MTFR1: variants seen among roughly 807,000 people sequenced by gnomAD.
MTFR1 encodes the protein mitochondrial fission regulator 1, also known as chondrocyte protein with a poly-proline region.
Under a neutral mutation model 38.8 loss-of-function variants are expected in MTFR1, and 28 were observed. The observed-to-expected ratio is 0.72, with a 90% CI of 0.53 to 0.99. MTFR1 has a LOEUF of 0.99. Among genes scored for constraint, MTFR1 ranks in the 50% least tolerant of loss-of-function variants. The pLI, the probability that MTFR1 is intolerant of heterozygous loss-of-function variation, is 0.00. For missense variants in MTFR1, 358 were observed against 395.5 expected (o/e 0.91, Z 0.81); for synonymous variants, 145 against 137.0 (o/e 1.06, Z -0.41).
At chr8:65,726,186 G>A (rs1031208623) in intron 3 of MTFR1, among the ~76,000 whole-genome samples, 2 of 152,126 alleles carry the variant, frequency 1.3e-5, no homozygotes, top group Admixed American at 6.5e-5. Context: ...GTTTGCTGAC[G>A]TGCATTTTCC....
At chr8:65,757,255 CTCCTGAGGCCTGA>C (rs1386302485) in intron 3 of MTFR1, among the ~76,000 whole-genome samples, 56 of 152,214 alleles carry the variant, frequency 3.7e-4, no homozygotes, top group African/African-American at 1.1e-3. Context: ...TTGAGGCCTG[CTCCTGAGGCCTGA>C]CACACTCAAC....
chr8:65,650,148 T>A (rs983078418), intron 1 of MTFR1, among the ~76,000 whole-genome samples: 1 of 151,878 alleles, frequency 6.6e-6, no homozygotes. Flanking sequence ...CTAATTTTTG[T>A]ATTTTTAGTA....
At chr8:65,680,973 C>T (rs562367306) in intron 2 of MTFR1, among the ~76,000 whole-genome samples, 6 of 140,308 alleles carry the variant, frequency 4.3e-5, no homozygotes, top group South Asian at 2.3e-4. Flanking sequence ...ACTGCAGTGG[C>T]GCAATCTCGG....
At chr8:65,749,367 A>G (rs1807829036) in intron 3 of MTFR1, among the ~76,000 whole-genome samples, 1 of 152,242 alleles carries the variant, frequency 6.6e-6, no homozygotes, top group Admixed American at 6.5e-5. Context: ...ACAAATAAAC[A>G]GAAGTAAAAT....
At chr8:65,761,138 C>A (rs1808476093) in intron 3 of MTFR1, among the ~76,000 whole-genome samples, 1 of 151,992 alleles carries the variant, frequency 6.6e-6, no homozygotes, top group Non-Finnish European at 1.5e-5. Flanking sequence ...CAGCTCACTG[C>A]AACCTCCGCC....
chr8:65,687,814 A>G (rs1351675761), intron 3 of MTFR1, among the ~76,000 whole-genome samples: 2 of 151,944 alleles, frequency 1.3e-5, no homozygotes, highest in African/African-American at 4.8e-5. Flanking sequence ...AAATACAGCA[A>G]TTCGGCTAGG....
chr8:65,656,324 C>G (rs146935025), intron 1 of MTFR1, among the ~76,000 whole-genome samples: 1 of 151,948 alleles, frequency 6.6e-6, no homozygotes, highest in African/African-American at 2.4e-5. Context: ...TAACTTTATT[C>G]TTTAATTTTT....
intron 2 of MTFR1, among the ~76,000 whole-genome samples, chr8:65,670,315 T>C (rs1246533518): frequency 1.3e-5 from 2 of 152,164 alleles, no homozygotes; most frequent in Non-Finnish European, 2.9e-5. Flanking sequence ...TTGCATAAAA[T>C]ATGCTTGGCC....
chr8:65,693,552 C>G, intron 3 of MTFR1, 92 bp from the exon 4 acceptor site: 1 of 941,226 alleles, frequency 1.1e-6, no homozygotes, highest in Non-Finnish European at 1.7e-6. Flanking sequence ...TTTTTAACAC[C>G]AGAGCTGACG....
chr8:65,768,073 TCCA>T (rs1224311760), intron 3 of MTFR1, among the ~76,000 whole-genome samples: 3 of 152,098 alleles, frequency 2.0e-5, no homozygotes, highest in Non-Finnish European at 4.4e-5. Context: ...CCAGTTGGTG[TCCA>T]CCGCTTGGTG....
At chr8:65,745,437 CA>C in intron 3 of MTFR1, 1 of 1,577,030 alleles carries the variant, frequency 6.3e-7, no homozygotes, top group South Asian at 1.1e-5. Flanking sequence ...AGAAAGATAT[CA>C]AAATTCCAAT....
chr8:65,662,247 G>A (rs1383711177), intron 1 of MTFR1, among the ~76,000 whole-genome samples: 3 of 152,072 alleles, frequency 2.0e-5, no homozygotes, highest in Non-Finnish European at 2.9e-5. Context: ...GCAGGCGCGC[G>A]CCGCCACGCC....
chr8:65,677,389 T>C (rs2129052675), intron 2 of MTFR1, among the ~76,000 whole-genome samples: 1 of 148,186 alleles, frequency 6.7e-6, no homozygotes, highest in Non-Finnish European at 1.5e-5. Flanking sequence ...TGTTTCTTTT[T>C]TTTTTTTTTT....
intron 2 of MTFR1, among the ~76,000 whole-genome samples, chr8:65,672,079 A>G (rs944867792): frequency 1.3e-5 from 2 of 152,256 alleles, no homozygotes; most frequent in African/African-American, 4.8e-5. Flanking sequence ...GGTGCCGTTC[A>G]TCAAAGAATG....
At chr8:65,658,006 G>A (rs997121914) in intron 1 of MTFR1, among the ~76,000 whole-genome samples, 3 of 152,020 alleles carry the variant, frequency 2.0e-5, no homozygotes, top group Non-Finnish European at 4.4e-5. Flanking sequence ...TTATCTGTTA[G>A]CATTCTGAGA....
intron 3 of MTFR1, among the ~76,000 whole-genome samples, chr8:65,743,487 A>ACAAACTT (rs1361107827): frequency 6.6e-6 from 1 of 152,220 alleles, no homozygotes; most frequent in East Asian, 1.9e-4. Context: ...GCTGATAAAG[A>ACAAACTT]CAAACTTCAC....
intron 3 of MTFR1, among the ~76,000 whole-genome samples, chr8:65,745,181 A>C (rs1807617942): frequency 6.6e-6 from 1 of 152,198 alleles, no homozygotes; most frequent in South Asian, 2.1e-4. Context: ...CATGATTGTG[A>C]GGCCTCCCCA....
downstream of MTFR1, among the ~76,000 whole-genome samples, chr8:65,771,790 G>A (rs892448552): frequency 6.8e-6 from 1 of 148,042 alleles, no homozygotes; most frequent in Non-Finnish European, 1.5e-5. Context: ...CAGGAGAATC[G>A]CTTGAACCTG....
intron 4 of MTFR1, among the ~76,000 whole-genome samples, chr8:65,704,303 T>C (rs1479302635): frequency 9.9e-5 from 15 of 152,216 alleles, no homozygotes; most frequent in Admixed American, 9.8e-4. Flanking sequence ...AAATTCATCA[T>C]GCAAGGTATG....
Sources: gnomAD v4.1 joint callset for allele counts (sites outside exome capture counted in the v4.1 genomes callset) on GRCh38, gnomAD v4.1.1 for gene constraint, MANE v1.5 for transcripts, NCBI Gene and HGNC (gene_info 2026-07-23, HGNC 2026-07-21) for gene names.